Variants in PBX1 observed in about 807,000 individuals in gnomAD.
PBX1 encodes the protein PBX homeobox 1, also known as pre-B-cell leukemia transcription factor 1.
A neutral mutation model predicts 53.4 loss-of-function variants in PBX1; 6 were observed. The observed-to-expected ratio is 0.11, with a 90% CI of 0.06 to 0.22. PBX1 has a LOEUF of 0.22. Ranked by LOEUF, PBX1 falls within the 10% of genes least tolerant of loss-of-function variation. PBX1 has a pLI of 1.00. For missense variants in PBX1, 251 were observed against 551.4 expected, an observed-to-expected ratio of 0.46 and a Z score of 5.46; for synonymous variants, 204 against 212.3, an observed-to-expected ratio of 0.96 and a Z score of 0.34.
intron 2 of PBX1, among the ~76,000 whole-genome samples, chr1:164,623,505 G>C (rs1657828320): frequency 6.6e-6 from 1 of 152,200 alleles, no homozygotes; most frequent in African/African-American, 2.4e-5. Context: ...CACACAGGTG[G>C]GAGTGGGTGC....
intron 2 of PBX1, among the ~76,000 whole-genome samples, chr1:164,633,888 TTTGTTATTA>T (rs1306621013): frequency 1.3e-5 from 2 of 152,144 alleles, no homozygotes; most frequent in Non-Finnish European, 2.9e-5. Context: ...TCACAGTATA[TTTGTTATTA>T]TTGTTATTAT....
intron 3 of PBX1, among the ~76,000 whole-genome samples, chr1:164,794,889 T>C (rs770012478): frequency 3.9e-5 from 6 of 152,094 alleles, no homozygotes; most frequent in South Asian, 2.1e-4. Flanking sequence ...TAAACCATAA[T>C]TGCAATGGAT....
chr1:164,783,615 G>C lies in PBX1; in HGVS notation c.266-8879G>C, dbSNP rs540698500. Among the ~76,000 whole-genome samples the C allele has an allele frequency of 3.9e-5, 6 of 152,250 alleles. No individual in the cohort carries two copies. In the East Asian group the frequency reaches 1.2e-3, roughly 29 times the overall value. On this transcript the variant is annotated intron_variant, in intron 2 of 8. Coordinates refer to ENST00000420696, the MANE Select transcript of PBX1 (RefSeq NM_002585.4). ...TCACCAAGCACTACTGTGTGCTTTT[G>C]TAAAAATAACCTTATTTAATCCTTA... is the stretch of plus-strand genomic sequence containing the variant.
intron 2 of PBX1, among the ~76,000 whole-genome samples, chr1:164,611,761 GA>G (rs1444222884): frequency 6.6e-6 from 1 of 152,140 alleles, no homozygotes; most frequent in Non-Finnish European, 1.5e-5. Flanking sequence ...TACCCCACAG[GA>G]AATGGGGACA....
At chr1:164,586,176 C>T (rs1320370302) in intron 2 of PBX1, among the ~76,000 whole-genome samples, 1 of 152,140 alleles carries the variant, frequency 6.6e-6, no homozygotes, top group Non-Finnish European at 1.5e-5. Flanking sequence ...CATTGGTGGA[C>T]TGACTTATTG....
intron 5 of PBX1, among the ~76,000 whole-genome samples, chr1:164,808,902 A>C (rs1669476497): frequency 1.3e-5 from 2 of 152,118 alleles, no homozygotes; most frequent in Admixed American, 1.3e-4. Flanking sequence ...ACCCAGCTGG[A>C]GGTCATTTTT....
intron 8 of PBX1, among the ~76,000 whole-genome samples, chr1:164,827,526 T>C (rs1370639775): frequency 6.6e-6 from 1 of 152,152 alleles, no homozygotes; most frequent in Non-Finnish European, 1.5e-5. Flanking sequence ...AGTAGATAGA[T>C]GGAAGCTAAC....
intron 2 of PBX1, among the ~76,000 whole-genome samples, chr1:164,754,760 TTTTTTGTG>T (rs1316322693): frequency 6.6e-6 from 1 of 152,214 alleles, no homozygotes; most frequent in Admixed American, 6.5e-5. Context: ...GCTTCGTGAT[TTTTTTGTG>T]TTAAGTATGT....
chr1:164,589,807 G>C (rs1655233760), intron 2 of PBX1, among the ~76,000 whole-genome samples: 1 of 152,206 alleles, frequency 6.6e-6, no homozygotes, highest in Non-Finnish European at 1.5e-5. Flanking sequence ...AGGTCTTATA[G>C]TGATCCAGTG....
At chr1:164,656,548 C>T (rs1047801030) in intron 2 of PBX1, among the ~76,000 whole-genome samples, 5 of 152,014 alleles carry the variant, frequency 3.3e-5, no homozygotes, top group East Asian at 1.9e-4. Context: ...CTATTCCTTT[C>T]GTCTTAGACA....
Position 164,754,540 on chromosome 1 carries a change from T to C in PBX1, c.266-37954T>C, listed in dbSNP as rs538748989. Among the ~76,000 whole-genome samples, 16 of 152,356 alleles carry C rather than the reference T, an allele frequency of 1.1e-4. No homozygotes were observed. In the South Asian group the frequency reaches 3.3e-3, roughly 32 times the overall value. Reference sequence around the variant, plus strand: ...CACGTAAAACTGGCATCAACCTGTCTGTGGGTTTCAATGCTGTTGCATTGC... The same window carrying C: ...CACGTAAAACTGGCATCAACCTGTCCGTGGGTTTCAATGCTGTTGCATTGC... On this transcript the variant is annotated intron_variant, in intron 2 of 8. Transcript: ENST00000420696.
intron 2 of PBX1, among the ~76,000 whole-genome samples, chr1:164,628,201 G>C (rs1348692074): frequency 6.6e-6 from 1 of 152,140 alleles, no homozygotes; most frequent in Non-Finnish European, 1.5e-5. Context: ...CTTCACTGCA[G>C]GTTTGCTTTA....
At chr1:164,616,963 C>T (rs934890082) in intron 2 of PBX1, among the ~76,000 whole-genome samples, 1 of 152,176 alleles carries the variant, frequency 6.6e-6, no homozygotes, top group Non-Finnish European at 1.5e-5. Context: ...AATGGTAGAA[C>T]TGGGACTTGA....
chr1:164,881,361 GAGGA>G (rs1672647360), intron 2 of PBX1, among the ~76,000 whole-genome samples: 3 of 68,250 alleles, frequency 4.4e-5, no homozygotes, highest in South Asian at 6.3e-4. Context: ...AGGAAGGAAG[GAGGA>G]AAAGAAGGAA....
At chr1:164,683,009 TG>T (rs1661878335) in intron 2 of PBX1, 1 of 152,200 alleles carries the variant, frequency 6.6e-6, no homozygotes, top group Admixed American at 6.5e-5. Context: ...TTACTAAGCA[TG>T]TCTTGACGCA....
intron 2 of PBX1, among the ~76,000 whole-genome samples, chr1:164,640,610 G>A (rs1385166437): frequency 2.1e-5 from 3 of 142,972 alleles, no homozygotes; most frequent in African/African-American, 7.8e-5. Flanking sequence ...AGGCTGGAGT[G>A]CAGTGGCACG....
At chr1:164,774,335 T>G (rs1414589417) in intron 2 of PBX1, 1 of 152,188 alleles carries the variant, frequency 6.6e-6, no homozygotes, top group Non-Finnish European at 1.5e-5. Flanking sequence ...GTTTTCGAAA[T>G]GAGAAGTCTC....
chr1:164,648,112 G>A (rs1244783075), intron 2 of PBX1, among the ~76,000 whole-genome samples: 2 of 152,032 alleles, frequency 1.3e-5, no homozygotes, highest in African/African-American at 2.4e-5. Flanking sequence ...ACCGTGCCCA[G>A]CCCACCCCAG....
chr1:164,669,245 T>C (rs550238607), intron 2 of PBX1, among the ~76,000 whole-genome samples: 44 of 152,228 alleles, frequency 2.9e-4, no homozygotes, highest in South Asian at 6.2e-4. Context: ...ATATGAGCAA[T>C]TGGGGAGAAG....
Sources: allele counts gnomAD v4.1 joint callset (sites outside exome capture counted in the v4.1 genomes callset), GRCh38; gene constraint gnomAD v4.1.1; transcripts MANE v1.5; gene names NCBI Gene and HGNC (gene_info 2026-07-23, HGNC 2026-07-21).